Variants in MYO5A observed in about 807,000 individuals in gnomAD.
MYO5A encodes the protein myosin VA.
MYO5A carries 98 observed loss-of-function variants against 249.7 expected under a neutral mutation model. That is an observed-to-expected ratio of 0.39 (90% CI 0.33 to 0.46). The LOEUF is 0.46. MYO5A is among the 20% of genes least tolerant of loss of function. MYO5A has a pLI of 0.98. For missense variants in MYO5A, 1,696 were observed against 2,308.8 expected, an observed-to-expected ratio of 0.73 and a Z score of 5.44; for synonymous variants, 778 against 810.6, an observed-to-expected ratio of 0.96 and a Z score of 0.68.
At chr15:52,414,595 C>T (rs943218447) in intron 5 of MYO5A, among the ~76,000 whole-genome samples, 12 of 152,078 alleles carry the variant, frequency 7.9e-5, no homozygotes, top group East Asian at 5.8e-4. Flanking sequence ...GGTCCAGGCC[C>T]GGAAGAAATG....
intron 25 of MYO5A, among the ~76,000 whole-genome samples, chr15:52,357,452 CA>C (rs35645503): frequency 2.2e-3 from 207 of 93,674 alleles, no homozygotes; most frequent in Admixed American, 4.3e-3. Flanking sequence ...CTAGAACTAG[CA>C]AAAAAAAAAA....
intron 1 of MYO5A, among the ~76,000 whole-genome samples, chr15:52,481,124 T>A (rs970977001): frequency 6.6e-6 from 1 of 152,208 alleles, no homozygotes; most frequent in Non-Finnish European, 1.5e-5. Context: ...CATTATTAGG[T>A]GCAAGCACAT....
intron 1 of MYO5A, among the ~76,000 whole-genome samples, chr15:52,447,387 T>G (rs961161213): frequency 1.3e-5 from 2 of 152,158 alleles, no homozygotes; most frequent in Non-Finnish European, 2.9e-5. Context: ...AGCCATGGTT[T>G]CTGTACATCC....
intron 9 of MYO5A, among the ~76,000 whole-genome samples, chr15:52,401,616 T>C (rs950294603): frequency 6.6e-6 from 1 of 152,324 alleles, no homozygotes; most frequent in East Asian, 1.9e-4. Context: ...ATCATTATGA[T>C]GTTCTTAGGA....
intron 36 of MYO5A, among the ~76,000 whole-genome samples, chr15:52,324,202 G>T (rs566495085): frequency 6.6e-6 from 1 of 152,030 alleles, no homozygotes; most frequent in African/African-American, 2.4e-5. Context: ...TTAAGGGTAA[G>T]ATAAAATTTC....
intron 5 of MYO5A, 112 bp from the exon 6 acceptor site, chr15:52,410,588 ATTT>A (rs5812605): frequency 1.0e-3 from 693 of 681,468 alleles, no homozygotes; most frequent in Middle Eastern, 1.9e-3. Flanking sequence ...CTTAAAATTG[ATTT>A]TTTTTTTTTT....
At chr15:52,415,633 A>T (rs2043445810) in intron 5 of MYO5A, among the ~76,000 whole-genome samples, 2 of 152,248 alleles carry the variant, frequency 1.3e-5, no homozygotes, top group African/African-American at 4.8e-5. Context: ...CTGGAAAAAA[A>T]TTAAAACTTT....
intron 1 of MYO5A, among the ~76,000 whole-genome samples, chr15:52,521,546 AGGAGGTAGATACAT>A (rs1255082364): frequency 6.6e-6 from 1 of 152,354 alleles, no homozygotes; most frequent in East Asian, 1.9e-4. Flanking sequence ...ATTAGGCCAC[AGGAGGTAGATACAT>A]GGTCCTCATG....
At chr15:52,418,286 GT>G (rs1336315172) in intron 4 of MYO5A, among the ~76,000 whole-genome samples, 1 of 152,152 alleles carries the variant, frequency 6.6e-6, no homozygotes, top group East Asian at 1.9e-4. Flanking sequence ...CTTCTGACCT[GT>G]TTCCAGAAGG....
chr15:52,317,357 T>TAAAAG, intron 39 of MYO5A, 135 bp from the exon 40 acceptor site: 1 of 816,076 alleles, frequency 1.2e-6, no homozygotes. Flanking sequence ...TTCTTAAATC[T>TAAAAG]CATCAGCTGT....
rs1234948393 is a variant in MYO5A, at chr15:52,321,817, TAG to T, written c.4801-310_4801-309del. Among the ~76,000 whole-genome samples, 13 of 96,780 alleles carry T rather than the reference TAG, an allele frequency of 1.3e-4. 1 individual carries two copies. Among genetic ancestry groups the T allele is most frequent in the African/African-American group, 3.1e-4 (7 of 22,658 alleles). The allele number at this position is 96,780 out of a possible 152,430, so 63.5% of individuals were successfully genotyped here. On this transcript the variant is annotated intron_variant, in intron 37 of 41. Transcript: ENST00000399233. ...TAAAAAAAAAAAAAAAAAAAAAAAA[TAG>T]AGTGTTTCACTTCTGAAACAGCAGG...
At chr15:52,426,555 C>G (rs1402172664) in intron 3 of MYO5A, among the ~76,000 whole-genome samples, 1 of 152,154 alleles carries the variant, frequency 6.6e-6, no homozygotes, top group Non-Finnish European at 1.5e-5. Context: ...CTAGACCTCC[C>G]AGGCTTACGA....
intron 1 of MYO5A, among the ~76,000 whole-genome samples, chr15:52,480,721 T>C (rs1169415729): frequency 6.6e-6 from 1 of 152,072 alleles, no homozygotes; most frequent in African/African-American, 2.4e-5. Context: ...CATTGGAGAG[T>C]GTGGTATAAG....
chr15:52,386,313 A>AAACAACAAC (rs10657432), intron 14 of MYO5A, among the ~76,000 whole-genome samples: 17 of 150,046 alleles, frequency 1.1e-4, no homozygotes, highest in Non-Finnish European at 1.5e-4. Context: ...CACTGTCTCA[A>AAACAACAAC]AACAACAACA....
chr15:52,420,725 A>G (rs999139236), intron 4 of MYO5A, among the ~76,000 whole-genome samples: 3 of 152,230 alleles, frequency 2.0e-5, no homozygotes, highest in African/African-American at 7.2e-5. Context: ...GTATAAATAT[A>G]AATCAGACAG....
chr15:52,329,285 T>C (rs927867623), intron 35 of MYO5A, among the ~76,000 whole-genome samples: 2 of 152,248 alleles, frequency 1.3e-5, no homozygotes, highest in Admixed American at 1.3e-4. Flanking sequence ...TGTGCAACTA[T>C]ATATAGTACT....
At chr15:52,404,769 C>G (rs1191227001) in intron 9 of MYO5A, among the ~76,000 whole-genome samples, 2 of 152,026 alleles carry the variant, frequency 1.3e-5, no homozygotes, top group Non-Finnish European at 2.9e-5. Flanking sequence ...AGAGAAACAG[C>G]CTGGCATGGA....
intron 32 of MYO5A, among the ~76,000 whole-genome samples, chr15:52,338,407 A>C (rs1194720779): frequency 6.6e-6 from 1 of 152,132 alleles, no homozygotes; most frequent in Admixed American, 6.5e-5. Context: ...TAGATGAGGT[A>C]GAAAAATCAT....
At position 52,489,420 on chromosome 15, in the gene MYO5A, C is replaced by T. The variant is rs994270153; in HGVS notation, c.27+39360G>A. Among the ~76,000 whole-genome samples, 76 of 151,926 alleles carry T rather than the reference C, an allele frequency of 5.0e-4. 1 individual carries two copies. Among genetic ancestry groups the T allele is most frequent in the Admixed American group, 4.9e-3 (75 of 15,246 alleles). On this transcript the variant is annotated intron_variant, in intron 1 of 41. Transcript: ENST00000399233. ...TCTACTAAAAATACAAAAAATTAGC[C>T]GGGCGTGGTGGCACGCACCTGTAGT... is the stretch of plus-strand genomic sequence containing the variant.
Sources: gnomAD v4.1 joint callset for allele counts (sites outside exome capture counted in the v4.1 genomes callset) on GRCh38, gnomAD v4.1.1 for gene constraint, MANE v1.5 for transcripts, NCBI Gene and HGNC (gene_info 2026-07-23, HGNC 2026-07-21) for gene names.